The following NT5C variants were observed in gnomAD, a reference collection of about 807,000 sequenced individuals.
NT5C encodes the protein 5'(3')-deoxyribonucleotidase, cytosolic type.
Under a neutral mutation model 17.6 loss-of-function variants are expected in NT5C, and 14 were observed. The observed-to-expected ratio is 0.79, with a 90% CI of 0.52 to 1.24. NT5C has a LOEUF of 1.24. NT5C is among the 50% of genes most tolerant of loss of function. The pLI, the probability that NT5C is intolerant of heterozygous loss-of-function variation, is 0.00. For missense variants in NT5C, 328 were observed against 278.3 expected, an observed-to-expected ratio of 1.18 and a Z score of -1.27; for synonymous variants, 153 against 119.2, an observed-to-expected ratio of 1.28 and a Z score of -1.85.
intron 2 of NT5C, 23 bp downstream of exon 2, chr17:75,131,158 C>T (rs749422836): frequency 1.9e-6 from 3 of 1,612,158 alleles, no homozygotes; most frequent in Non-Finnish European, 2.5e-6. Flanking sequence ...CCCAGGACTC[C>T]GCCCGCCCCC....
In NT5C at chr17:75,130,475, G is replaced by C. The variant is rs964295416; in HGVS notation, c.*13C>G. On this transcript the variant is annotated 3_prime_UTR_variant, in exon 5 of 5. Coordinates refer to ENST00000245552, the MANE Select transcript of NT5C (RefSeq NM_014595.3). Reference sequence around the variant, plus strand: ...CTTCCTTTAGCTCCAGCTGCTGCCCGCGGCATCCCCGCTCATTCCCGCTGC... The same window carrying C: ...CTTCCTTTAGCTCCAGCTGCTGCCCCCGGCATCCCCGCTCATTCCCGCTGC... 1.4e-5 allele frequency: 22 copies of C among 1,613,152 alleles called. No individual in the cohort carries two copies. The highest frequency in any genetic ancestry group is 1.8e-5 in the Non-Finnish European group (21 of 1,179,554).
intron 3 of NT5C, 51 bp from the exon 4 acceptor site, chr17:75,130,918 A>G (rs1489313691): frequency 1.2e-6 from 2 of 1,612,834 alleles, no homozygotes; most frequent in Admixed American, 1.7e-5. Flanking sequence ...GCCGGAATTC[A>G]GGGATAGGGA....
In NT5C at chr17:75,130,646, G is replaced by A. The variant is rs771607207; in HGVS notation, c.452-4C>T. 4.7e-6 allele frequency: 7 copies of A among 1,481,738 alleles called. No homozygotes were observed. The South Asian group carries it at 5.8e-5, about 12-fold the overall frequency. 91.8% of individuals were successfully genotyped at this position (1,481,738 alleles called of 1,614,324 possible). A position where few individuals can be genotyped will look rare whatever the true frequency, so the allele number is the denominator to read the frequency against. On this transcript the variant is annotated splice_region_variant and splice_polypyrimidine_tract_variant and intron_variant, in intron 4 of 4. Transcript: ENST00000245552. Reference sequence around the variant, plus strand: ...CAGCTTGGGGTCTCCTCCTGGCCTAGGACAGTGAAAGACAGCGCGCTGCCA... The same window carrying A: ...CAGCTTGGGGTCTCCTCCTGGCCTAAGACAGTGAAAGACAGCGCGCTGCCA...
Position 75,131,054 on chromosome 17 carries a change from C to A in NT5C, c.327G>T (p.Val109=). Residue 109 remains valine, a synonymous_variant, in exon 3 of 5, where the codon GTG becomes GTT. Coordinates refer to ENST00000245552, the MANE Select transcript of NT5C (RefSeq NM_014595.3). ...GGCGGGGCAGCCACACCTTCTCACC[C>A]ACACAGTGGTGGTACTTCAGCAGGG... ...TSPLLKYHHC[V]GEKYRWVEQH... 1 of 1,612,722 alleles carries A rather than the reference C, an allele frequency of 6.2e-7. No individual in the cohort carries two copies. Among genetic ancestry groups the A allele is most frequent in the Non-Finnish European group, 8.5e-7 (1 of 1,179,570 alleles).
chr17:75,130,430 G>A lies in NT5C; in HGVS notation c.*58C>T. The A allele has an allele frequency of 6.3e-7, 1 of 1,597,498 alleles. No individual in the cohort carries two copies. The highest frequency in any genetic ancestry group is 8.5e-7 in the Non-Finnish European group (1 of 1,170,852). On this transcript the variant is annotated 3_prime_UTR_variant, in exon 5 of 5. Transcript: ENST00000245552. The stretch of plus-strand genomic sequence containing the variant: ...GATGCCGCCCCGACTCGGCTCTGCG[G>A]TGGCCCCTGTGGGCCTGCCCTTCCT...
rs1208267256 is a variant in NT5C, at chr17:75,131,714, C to T, written c.-7G>A. The T allele has an allele frequency of 8.6e-6, 11 of 1,271,980 alleles. No homozygotes were observed. The highest frequency in any genetic ancestry group is 3.1e-5 in the East Asian group (1 of 31,956). The allele number at this position is 1,271,980 out of a possible 1,614,324, so 78.8% of individuals were successfully genotyped here. A position where few individuals can be genotyped will look rare whatever the true frequency, so the allele number is the denominator to read the frequency against. On this transcript the variant is annotated 5_prime_UTR_variant, in exon 1 of 5. Transcript: ENST00000245552. ...CGCGCACGCTCCGCGCCATCGCCGC[C>T]GGGCCGGAGCTGCGAGCTCTCGGGG...
intron 1 of NT5C, 62 bp from the exon 2 acceptor site, chr17:75,131,343 C>T: frequency 1.3e-6 from 2 of 1,557,868 alleles, no homozygotes; most frequent in Non-Finnish European, 1.7e-6. Flanking sequence ...AGGGAGGCTC[C>T]TGGGGGCTCC....
rs748334518 is a variant in NT5C, at chr17:75,131,101, G to C, written c.280C>G (p.Gln94Glu). ...VREMNDLPDTQVFICTSPLLK... is the reference protein window; with the variant it reads ...VREMNDLPDTEVFICTSPLLK... Reference sequence around the variant, plus strand: ...AGGGGGCTGGTGCAGATGAAGACCTGCGTGCTGCGGAGAAGGACGCGGTTA... The same window carrying C: ...AGGGGGCTGGTGCAGATGAAGACCTCCGTGCTGCGGAGAAGGACGCGGTTA... The change falls in exon 3 of 5, where the codon CAG becomes GAG. Residue 94 changes from glutamine to glutamate, a missense_variant. Transcript: ENST00000245552. 55 of 1,613,292 alleles carry C rather than the reference G, an allele frequency of 3.4e-5. No homozygotes were observed. Among genetic ancestry groups the C allele is most frequent in the Non-Finnish European group, 4.6e-5 (54 of 1,179,910 alleles).
Position 75,131,633 on chromosome 17 carries a change from G to A in NT5C, c.75C>T (p.Gly25=), listed in dbSNP as rs2074128498. The A allele has an allele frequency of 3.6e-6, 5 of 1,372,684 alleles. No individual in the cohort carries two copies. The highest frequency in any genetic ancestry group is 1.7e-5 in the South Asian group (1 of 59,182). 85.0% of individuals were successfully genotyped at this position (1,372,684 alleles called of 1,614,324 possible). ...LADFEAGLLR[G]FRRRFPEEPH... is the part of the protein sequence containing the mutation. Reference sequence around the variant, plus strand: ...GCTCCTCAGGGAAGCGGCGGCGGAAGCCCCGCAGGAGGCCGGCCTCGAAGT... The same window carrying A: ...GCTCCTCAGGGAAGCGGCGGCGGAAACCCCGCAGGAGGCCGGCCTCGAAGT... The change falls in exon 1 of 5, where the codon GGC becomes GGT. Residue 25 remains glycine (G), a synonymous_variant. Coordinates refer to ENST00000245552, the MANE Select transcript of NT5C (RefSeq NM_014595.3).
At chr17:75,131,128 C>A (rs753622365) in intron 2 of NT5C, 23 bp from the exon 3 acceptor site, 3 of 1,612,620 alleles carry the variant, frequency 1.9e-6, no homozygotes, top group Admixed American at 1.7e-5. Context: ...ACGCGGTTAC[C>A]GCCGGGAGCC....
rs976165289 is a variant in NT5C at position 75,130,572 on chromosome 17, G to C, written c.522C>G (p.Pro174=). The C allele has an allele frequency of 1.2e-6, 2 of 1,614,226 alleles. No homozygotes were observed. The highest frequency in any genetic ancestry group is 1.7e-6 in the Non-Finnish European group (2 of 1,180,038). Residue 174 remains proline (P), a synonymous_variant, in exon 5 of 5, where the codon CCC becomes CCG. Coordinates refer to ENST00000245552, the MANE Select transcript of NT5C (RefSeq NM_014595.3). ...AGGAGAGCAGCCGTCTCCTTGTCGG[G>C]GGCAGGACCAGGTGCCGATTGTGGC... The part of the protein sequence containing the change: ...TCCHNRHLVL[P]PTRRRLLSWS...
Position 75,130,444 on chromosome 17 carries a change from C to A in NT5C, c.*44G>T. 1 of 1,607,450 alleles carries A rather than the reference C, an allele frequency of 6.2e-7. No individual in the cohort carries two copies. Among genetic ancestry groups the A allele is most frequent in the Admixed American group, 1.7e-5 (1 of 59,828 alleles). On this transcript the variant is annotated 3_prime_UTR_variant, in exon 5 of 5. Coordinates refer to ENST00000245552, the MANE Select transcript of NT5C (RefSeq NM_014595.3). ...TCGGCTCTGCGGTGGCCCCTGTGGG[C>A]CTGCCCTTCCTTTAGCTCCAGCTGC...
chr17:75,130,702 T>G (rs2074103481), intron 4 of NT5C, 51 bp downstream of exon 4: 1 of 1,613,716 alleles, frequency 6.2e-7, no homozygotes, highest in Non-Finnish European at 8.5e-7. Context: ...TCCCTCTCCC[T>G]AATCCGGGCA....
chr17:75,131,411 C>T (rs1255016668), intron 1 of NT5C, 123 bp downstream of exon 1: 44 of 1,395,480 alleles, frequency 3.2e-5, no homozygotes, highest in Non-Finnish European at 3.8e-5. Flanking sequence ...CCCAAAGGCT[C>T]CTCCCCAGGG....
At chr17:75,131,387 G>C in intron 1 of NT5C, 106 bp from the exon 2 acceptor site, 1 of 1,413,142 alleles carries the variant, frequency 7.1e-7, no homozygotes, top group Non-Finnish European at 9.6e-7. Context: ...GGGGGCGTCG[G>C]TCAGGGGCAC....
intron 4 of NT5C, 27 bp downstream of exon 4, chr17:75,130,726 G>A (rs1225511719): frequency 2.5e-6 from 4 of 1,613,470 alleles, no homozygotes; most frequent in Admixed American, 1.7e-5. Context: ...CAGAGGCCTG[G>A]AGGCTGCCAA....
In NT5C at chr17:75,131,595, AG is replaced by A; in HGVS notation, c.112del (p.Leu38TrpfsTer50). 7.2e-7 allele frequency: 1 copy of A among 1,396,288 alleles called. No individual in the cohort carries two copies. Among genetic ancestry groups the A allele is most frequent in the East Asian group, 3.0e-5 (1 of 33,326 alleles). 86.5% of individuals were successfully genotyped at this position (1,396,288 alleles called of 1,614,324 possible). On this transcript the variant is annotated frameshift_variant, in exon 1 of 5. Transcript: ENST00000245552. LOFTEE classifies it high-confidence loss of function. ...RRFPEEPHVP[L>X]EQRRGFLARE... ...GGCCAGGAAGCCGCGGCGTTGCTCC[AG>A]CGGCACGTGCGGCTCCTCAGGGAAG...
Position 75,130,656 on chromosome 17 carries a change from A to C in NT5C, c.452-14T>G, listed in dbSNP as rs2074102307. The C allele has an allele frequency of 6.2e-7, 1 of 1,613,876 alleles. No individual in the cohort carries two copies. Among genetic ancestry groups the C allele is most frequent in the Non-Finnish European group, 8.5e-7 (1 of 1,179,916 alleles). ...TCTCCTCCTGGCCTAGGACAGTGAA[A>C]GACAGCGCGCTGCCATCTGTCATGG... On this transcript the variant is annotated splice_polypyrimidine_tract_variant and intron_variant, in intron 4 of 4. Coordinates refer to ENST00000245552, the MANE Select transcript of NT5C (RefSeq NM_014595.3).
Position 75,130,392 on chromosome 17 carries a change from G to A in NT5C, c.*96C>T. 1 of 1,475,812 alleles carries A rather than the reference G, an allele frequency of 6.8e-7. No homozygotes were observed. The highest frequency in any genetic ancestry group is 9.3e-7 in the Non-Finnish European group (1 of 1,079,648). 91.4% of individuals were successfully genotyped at this position (1,475,812 alleles called of 1,614,324 possible). On this transcript the variant is annotated 3_prime_UTR_variant, in exon 5 of 5. Transcript: ENST00000245552. ...CTGCCTGCTCCACTCCACGGGGCCA[G>A]AGGCACCAGCACGATGCCGCCCCGA...
Sources: gnomAD v4.1 joint callset for allele counts on GRCh38, gnomAD v4.1.1 for gene constraint, MANE v1.5 for transcripts, NCBI Gene and HGNC (gene_info 2026-07-23, HGNC 2026-07-21) for gene names.